KHDRBS2: variants seen among roughly 807,000 people sequenced by gnomAD.
The protein encoded by KHDRBS2 is KH RNA binding domain containing, signal transduction associated 2, also known as KH domain-containing, RNA-binding, signal transduction-associated protein 2.
A neutral mutation model predicts 44.3 loss-of-function variants in KHDRBS2; 26 were observed. That is an observed-to-expected ratio of 0.59 (90% CI 0.43 to 0.81). The LOEUF is 0.81. Among genes scored for constraint, KHDRBS2 ranks in the 40% least tolerant of loss-of-function variants. The probability of loss-of-function intolerance (pLI) is 0.00; values close to 1 mark genes in which losing one functional copy is unlikely to be tolerated. For synonymous variants in KHDRBS2, 194 were observed against 151.1 expected, an observed-to-expected ratio of 1.28 and a Z score of -2.08; for missense variants, 476 against 433.1, an observed-to-expected ratio of 1.10 and a Z score of -0.88.
the KHDRBS2 span, among the ~76,000 whole-genome samples, chr6:61,656,159 A>G: frequency 5.3e-5 from 8 of 152,090 alleles, no homozygotes; most frequent in Admixed American, 5.2e-4. Flanking sequence ...GAAATTGAGT[A>G]TGGGCTTCTG....
intron 1 of KHDRBS2, among the ~76,000 whole-genome samples, chr6:62,211,578 T>C (rs1179090402): frequency 6.6e-6 from 1 of 152,216 alleles, no homozygotes; most frequent in East Asian, 1.9e-4. Flanking sequence ...GTGATGATGA[T>C]ATTTTTGAAT....
At chr6:62,283,292 C>T (rs1319313256) in intron 1 of KHDRBS2, among the ~76,000 whole-genome samples, 1 of 152,048 alleles carries the variant, frequency 6.6e-6, no homozygotes, top group Admixed American at 6.5e-5. Context: ...ATGGACCCCC[C>T]AAAAACCCCA....
the KHDRBS2 span, among the ~76,000 whole-genome samples, chr6:61,546,084 G>A: frequency 8.4e-4 from 127 of 151,908 alleles, no homozygotes; most frequent in African/African-American, 2.9e-3. Context: ...TGACAAACAC[G>A]TAAAGATATA....
At chr6:61,935,999 T>C (rs1810947355) in intron 4 of KHDRBS2, among the ~76,000 whole-genome samples, 1 of 152,118 alleles carries the variant, frequency 6.6e-6, no homozygotes. Context: ...ATCTTTCTAA[T>C]TCATGATTTT....
At chr6:61,887,583 G>T (rs1426415856) in intron 6 of KHDRBS2, among the ~76,000 whole-genome samples, 2 of 152,172 alleles carry the variant, frequency 1.3e-5, no homozygotes, top group Non-Finnish European at 2.9e-5. Flanking sequence ...CAGGCCAGCT[G>T]CAAGGAGTGG....
intron 6 of KHDRBS2, among the ~76,000 whole-genome samples, chr6:61,868,888 G>C (rs2127300809): frequency 6.6e-6 from 1 of 152,288 alleles, no homozygotes; most frequent in East Asian, 1.9e-4. Context: ...GCATGTAAAG[G>C]TCCTGGGTCT....
chr6:62,111,293 T>C (rs1012722753), intron 2 of KHDRBS2, among the ~76,000 whole-genome samples: 1 of 152,102 alleles, frequency 6.6e-6, no homozygotes, highest in Non-Finnish European at 1.5e-5. Flanking sequence ...TTTTGGATCA[T>C]TTTTAGAATA....
chr6:61,981,346 A>C (rs1291989595), intron 3 of KHDRBS2, among the ~76,000 whole-genome samples: 5 of 152,170 alleles, frequency 3.3e-5, no homozygotes, highest in African/African-American at 1.2e-4. Flanking sequence ...CCTGTTAAGT[A>C]ATCTGCCTAG....
intron 2 of KHDRBS2, among the ~76,000 whole-genome samples, chr6:62,097,661 T>C (rs1367337671): frequency 6.6e-6 from 1 of 152,078 alleles, no homozygotes; most frequent in African/African-American, 2.4e-5. Context: ...GATCTTGTTT[T>C]TTCAATCCAT....
intron 7 of KHDRBS2, among the ~76,000 whole-genome samples, chr6:61,719,764 T>C (rs1043999924): frequency 6.6e-6 from 1 of 151,980 alleles, no homozygotes; most frequent in African/African-American, 2.4e-5. Flanking sequence ...TATGGACTCT[T>C]TTTTTTAAAT....
At chr6:62,239,524 G>T (rs757490691) in intron 1 of KHDRBS2, among the ~76,000 whole-genome samples, 10 of 151,914 alleles carry the variant, frequency 6.6e-5, no homozygotes, top group Non-Finnish European at 1.5e-4. Flanking sequence ...CGTGAGCCAA[G>T]ATCACGCTGC....
At chr6:62,051,355 A>T (rs1256295717) in intron 2 of KHDRBS2, among the ~76,000 whole-genome samples, 1 of 152,030 alleles carries the variant, frequency 6.6e-6, no homozygotes, top group Non-Finnish European at 1.5e-5. Flanking sequence ...TTTAGGTCTC[A>T]TCCGTTTTGG....
chr6:61,628,331 T>C, the KHDRBS2 span, among the ~76,000 whole-genome samples: 2 of 148,044 alleles, frequency 1.4e-5, no homozygotes, highest in Non-Finnish European at 3.0e-5. Flanking sequence ...TTCCTCACAC[T>C]CTCTTCAAAC....
the KHDRBS2 span, among the ~76,000 whole-genome samples, chr6:61,614,067 G>A: frequency 3.9e-5 from 6 of 152,106 alleles, no homozygotes; most frequent in South Asian, 2.1e-4. Flanking sequence ...TATTTTATTC[G>A]CTTCTTTAAC....
chr6:62,219,121 G>A (rs1297552612), intron 1 of KHDRBS2, among the ~76,000 whole-genome samples: 1 of 151,668 alleles, frequency 6.6e-6, no homozygotes, highest in South Asian at 2.1e-4. Context: ...GTATAAGGAT[G>A]TAACAAAAGT....
At chr6:61,920,308 T>A (rs944521806) in intron 4 of KHDRBS2, among the ~76,000 whole-genome samples, 20 of 151,794 alleles carry the variant, frequency 1.3e-4, no homozygotes, top group Non-Finnish European at 1.0e-4. Context: ...ATAAAATAGA[T>A]CAATAATAGT....
At chr6:62,033,748 A>C (rs537446338) in intron 3 of KHDRBS2, among the ~76,000 whole-genome samples, 2 of 151,784 alleles carry the variant, frequency 1.3e-5, no homozygotes, top group Non-Finnish European at 2.9e-5. Context: ...AACAAAAGGA[A>C]GGCTGAGGCA....
intron 1 of KHDRBS2, among the ~76,000 whole-genome samples, chr6:62,233,636 C>A (rs542521494): frequency 6.6e-6 from 1 of 152,082 alleles, no homozygotes; most frequent in Non-Finnish European, 1.5e-5. Context: ...CCTCTCCCTT[C>A]TCCCACCCTC....
the KHDRBS2 span, among the ~76,000 whole-genome samples, chr6:61,606,238 C>G: frequency 5.3e-5 from 8 of 152,164 alleles, no homozygotes; most frequent in African/African-American, 1.9e-4. Flanking sequence ...TCACACAAAG[C>G]CTGTTTGGTG....
Sources: gnomAD v4.1 joint callset for allele counts (sites outside exome capture counted in the v4.1 genomes callset) on GRCh38, gnomAD v4.1.1 for gene constraint, MANE v1.5 for transcripts, NCBI Gene and HGNC (gene_info 2026-07-23, HGNC 2026-07-21) for gene names.